SRRM4: variants seen among roughly 807,000 people sequenced by gnomAD.
The protein encoded by SRRM4 is serine/arginine repetitive matrix protein 4.
Under a neutral mutation model 68.9 loss-of-function variants are expected in SRRM4, and 33 were observed. That is an observed-to-expected ratio of 0.48 (90% confidence interval 0.36 to 0.64). The LOEUF (loss-of-function observed/expected upper bound fraction) is 0.64, where lower values mean the gene tolerates loss of function less well. Among genes scored for constraint, SRRM4 ranks in the 30% least tolerant of loss-of-function variants. The probability of loss-of-function intolerance (pLI) is 0.00; values close to 1 mark genes in which losing one functional copy is unlikely to be tolerated. For synonymous variants in SRRM4, 318 were observed against 318.8 expected (o/e 1.00, Z 0.03); for missense variants, 817 against 827.1 (o/e 0.99, Z 0.15).
At chr12:119,026,558 T>C (rs1466441758) in intron 1 of SRRM4, among the ~76,000 whole-genome samples, 1 of 151,928 alleles carries the variant, frequency 6.6e-6, no homozygotes, top group African/African-American at 2.4e-5. Context: ...TATTTATTTA[T>C]TTATTTTTGA....
chr12:119,151,216 A>G lies in SRRM4; in HGVS notation c.1276A>G (p.Lys426Glu), dbSNP rs1954437393. The G allele has an allele frequency of 3.1e-6, 5 of 1,613,896 alleles. No individual in the cohort carries two copies. The East Asian group carries it at 1.1e-4, about 36-fold the overall frequency. ...YTQSRSTSSE[K>E]RSYSRSPSYS... ...CCAAAGCCGATCCACCTCTTCTGAAAAAAGGTGAGTGTGGTTTTGACCTTT... is the reference window on the plus strand; with the variant it reads ...CCAAAGCCGATCCACCTCTTCTGAAGAAAGGTGAGTGTGGTTTTGACCTTT... The change falls in exon 10 of 13, where the codon AAA becomes GAA. Residue 426 changes from lysine (K) to glutamate (E), a missense_variant. Lys to Glu is a moderately conservative substitution (Grantham distance 56). Transcript: ENST00000267260.
At chr12:119,053,982 T>C (rs1953761225) in intron 1 of SRRM4, among the ~76,000 whole-genome samples, 1 of 152,154 alleles carries the variant, frequency 6.6e-6, no homozygotes, top group Non-Finnish European at 1.5e-5. Flanking sequence ...TCTTATTCAT[T>C]CTTTCTATTT....
chr12:119,092,857 C>A (rs1465337884), intron 1 of SRRM4, among the ~76,000 whole-genome samples: 1 of 151,932 alleles, frequency 6.6e-6, no homozygotes, highest in Non-Finnish European at 1.5e-5. Context: ...GAAAGCCCAC[C>A]AGATTCTTAT....
intron 1 of SRRM4, among the ~76,000 whole-genome samples, chr12:119,080,960 T>C (rs1424499599): frequency 1.3e-5 from 2 of 152,244 alleles, no homozygotes; most frequent in African/African-American, 2.4e-5. Flanking sequence ...CTTTCTTTCC[T>C]GCTTAAGAAA....
At chr12:118,983,270 A>T (rs1953261721) in intron 1 of SRRM4, among the ~76,000 whole-genome samples, 2 of 152,188 alleles carry the variant, frequency 1.3e-5, no homozygotes, top group African/African-American at 4.8e-5. Flanking sequence ...TTAGAGAAAT[A>T]GGTGTCCCAT....
chr12:119,034,070 G>A (rs1192844729), intron 1 of SRRM4, among the ~76,000 whole-genome samples: 2 of 152,164 alleles, frequency 1.3e-5, no homozygotes, highest in Non-Finnish European at 2.9e-5. Context: ...AGGAGCAAGG[G>A]GCCTTGGGGT....
At chr12:119,119,703 A>G (rs1301670413) in intron 4 of SRRM4, among the ~76,000 whole-genome samples, 1 of 152,154 alleles carries the variant, frequency 6.6e-6, no homozygotes, top group Non-Finnish European at 1.5e-5. Context: ...CCTGGCACAC[A>G]GTAAGAGTTC....
Position 119,162,916 on chromosome 12 carries a change from C to T in SRRM4, c.*6118C>T, listed in dbSNP as rs576051206. 9.1e-4 allele frequency: 138 copies of T among 152,308 alleles called. No individual in the cohort carries two copies. The highest frequency in any genetic ancestry group is 3.2e-3 in the African/African-American group (133 of 41,554). The allele number at this position is 152,308 out of a possible 1,614,324, so 9.4% of individuals were successfully genotyped here. A position where few individuals can be genotyped will look rare whatever the true frequency, so the allele number is the denominator to read the frequency against. ...GCATCCTGGGACCCTGTCCTCTGCC[C>T]AGTGACACAGCAGCCATGGCTAGCT... On this transcript the variant is annotated 3_prime_UTR_variant, in exon 13 of 13. Transcript: ENST00000267260.
chr12:119,074,703 G>A (rs1445389868), intron 1 of SRRM4, among the ~76,000 whole-genome samples: 1 of 152,058 alleles, frequency 6.6e-6, no homozygotes, highest in Non-Finnish European at 1.5e-5. Flanking sequence ...ATCAAAGACA[G>A]CCTACACAAT....
In SRRM4 at chr12:119,029,329, T is replaced by G. The variant is rs1953571426; in HGVS notation, c.131+47316T>G. On this transcript the variant is annotated intron_variant, in intron 1 of 12. Coordinates refer to ENST00000267260, the MANE Select transcript of SRRM4 (RefSeq NM_194286.4). ...AGGCGCTGGGTATGCTAAGCCCTGA[T>G]GAAGACATGAAGATGCAAGCATGTG... Among the ~76,000 whole-genome samples the G allele has an allele frequency of 1.3e-5, 2 of 152,016 alleles. 1 individual carries two copies. Among genetic ancestry groups the G allele is most frequent in the South Asian group, 4.1e-4 (2 of 4,830 alleles).
Position 118,981,659 on chromosome 12 carries a change from C to G in SRRM4, c.-224C>G. On this transcript the variant is annotated 5_prime_UTR_variant, in exon 1 of 13. Transcript: ENST00000267260. Reference sequence around the variant, plus strand: ...AGCCAGCTCAGAGCGCAGCCTGGAGCCGACCCAGAAGGGCGAAGAAAGCCC... The same window carrying G: ...AGCCAGCTCAGAGCGCAGCCTGGAGGCGACCCAGAAGGGCGAAGAAAGCCC... 1 of 542,526 alleles carries G rather than the reference C, an allele frequency of 1.8e-6. No individual in the cohort carries two copies. Among genetic ancestry groups the G allele is most frequent in the East Asian group, 3.2e-5 (1 of 31,284 alleles). The allele number at this position is 542,526 out of a possible 1,614,324, so 33.6% of individuals were successfully genotyped here. A position where few individuals can be genotyped will look rare whatever the true frequency, so the allele number is the denominator to read the frequency against.
rs752281239 is a variant in SRRM4 at position 119,114,321 on chromosome 12, G to C, written c.322G>C (p.Gly108Arg). ...CTTGACACCACCACCTTCCTCCAGG[G>C]GAAAGAAGAAAAAGAAGAAATCCAC... ...KDLTPPPSSR[G>R]KKKKKKSTRK... Residue 108 changes from glycine to arginine, a missense_variant, in exon 3 of 13, where the codon GGA becomes CGA. Transcript: ENST00000267260. 18 of 1,611,898 alleles carry C rather than the reference G, an allele frequency of 1.1e-5. No individual in the cohort carries two copies. The East Asian group carries it at 3.6e-4, about 32-fold the overall frequency.
intron 1 of SRRM4, among the ~76,000 whole-genome samples, chr12:119,044,808 C>T (rs1382465776): frequency 1.3e-5 from 2 of 152,082 alleles, no homozygotes; most frequent in African/African-American, 4.8e-5. Context: ...ACCTGAGACC[C>T]CCAACAGAGT....
chr12:119,092,345 C>T (rs548718580), intron 1 of SRRM4, among the ~76,000 whole-genome samples: 9 of 152,308 alleles, frequency 5.9e-5, no homozygotes, highest in African/African-American at 1.4e-4. Context: ...ACTCCAGGCT[C>T]ATGTACCCAC....
At chr12:119,153,722 C>T in intron 11 of SRRM4, 73 bp downstream of exon 11, 1 of 1,131,274 alleles carries the variant, frequency 8.8e-7, no homozygotes. Context: ...TCTCTGGCCC[C>T]GCCTCCCCGT....
intron 8 of SRRM4, among the ~76,000 whole-genome samples, chr12:119,136,721 T>C (rs907151537): frequency 1.3e-5 from 2 of 152,144 alleles, no homozygotes; most frequent in African/African-American, 4.8e-5. Flanking sequence ...GGTGATAATG[T>C]ATCTAACTGG....
Position 119,040,625 on chromosome 12 carries a change from G to A in SRRM4, c.131+58612G>A, listed in dbSNP as rs186169229. Among the ~76,000 whole-genome samples, 169 of 152,264 alleles carry A rather than the reference G, an allele frequency of 1.1e-3. 4 individuals carry two copies. Among genetic ancestry groups the A allele is most frequent in the African/African-American group, 3.9e-3 (164 of 41,548 alleles). ...TGATTTGGGTTGGTTCTATGATTTT[G>A]CAATTGTGAATTGTGCTGCTATAAA... On this transcript the variant is annotated intron_variant, in intron 1 of 12. Coordinates refer to ENST00000267260, the MANE Select transcript of SRRM4 (RefSeq NM_194286.4).
chr12:119,045,069 G>C (rs1420996677), intron 1 of SRRM4, among the ~76,000 whole-genome samples: 1 of 152,200 alleles, frequency 6.6e-6, no homozygotes, highest in African/African-American at 2.4e-5. Flanking sequence ...CCCGTAGAAG[G>C]TGTTAGAGAC....
Position 118,998,268 on chromosome 12 carries a change from CAAAAAAAAAAAAAAA to C in SRRM4, c.131+16272_131+16286del, listed in dbSNP as rs35250419. ...AACTGAGTGGATAAGAGCAATATGG[CAAAAAAAAAAAAAAA>C]AAAAAAAAAAAAAAAATCACAGAGA... On this transcript the variant is annotated intron_variant, in intron 1 of 12. Coordinates refer to ENST00000267260, the MANE Select transcript of SRRM4 (RefSeq NM_194286.4). Among the ~76,000 whole-genome samples the C allele has an allele frequency of 4.1e-4, 15 of 36,584 alleles. 1 individual carries two copies. In the East Asian group the frequency reaches 6.1e-3, roughly 15 times the overall value. 24.0% of individuals were successfully genotyped at this position (36,584 alleles called of 152,430 possible).
Sources: gnomAD v4.1 joint callset for allele counts (sites outside exome capture counted in the v4.1 genomes callset) on GRCh38, gnomAD v4.1.1 for gene constraint, MANE v1.5 for transcripts, NCBI Gene and HGNC (gene_info 2026-07-23, HGNC 2026-07-21) for gene names.